Variants in NTNG1 observed in about 807,000 individuals in gnomAD.
The protein encoded by NTNG1 is netrin-G1.
NTNG1 carries 16 observed loss-of-function variants against 54.0 expected under a neutral mutation model. That is an observed-to-expected ratio of 0.30 (90% CI 0.20 to 0.45). The LOEUF (loss-of-function observed/expected upper bound fraction) is 0.45, where lower values mean the gene tolerates loss of function less well. Among genes scored for constraint, NTNG1 ranks in the 20% least tolerant of loss-of-function variants. The pLI is 1.00. For missense variants in NTNG1, 530 were observed against 678.7 expected, an observed-to-expected ratio of 0.78 and a Z score of 2.43; for synonymous variants, 255 against 263.1, an observed-to-expected ratio of 0.97 and a Z score of 0.30.
intron 2 of NTNG1, among the ~76,000 whole-genome samples, chr1:107,288,848 T>C (rs1254701981): frequency 6.6e-6 from 1 of 152,172 alleles, no homozygotes; most frequent in Non-Finnish European, 1.5e-5. Context: ...TTGAAGTCTT[T>C]TCAGAATCAA....
intron 5 of NTNG1, among the ~76,000 whole-genome samples, chr1:107,413,562 A>G (rs1673989130): frequency 6.6e-6 from 1 of 152,052 alleles, no homozygotes. Context: ...TAGTTTCCTC[A>G]TATGCCAGGG....
chr1:107,295,771 A>G (rs1665906980), intron 2 of NTNG1, among the ~76,000 whole-genome samples: 1 of 152,126 alleles, frequency 6.6e-6, no homozygotes, highest in Non-Finnish European at 1.5e-5. Context: ...AGCAGAAAAA[A>G]CTAGCTAAAG....
chr1:107,193,257 CT>C (rs1259881462), intron 2 of NTNG1, among the ~76,000 whole-genome samples: 1 of 151,986 alleles, frequency 6.6e-6, no homozygotes. Context: ...GGTCTTCTTA[CT>C]TCTCATAGTC....
intron 2 of NTNG1, among the ~76,000 whole-genome samples, chr1:107,263,338 TTTTTTTC>T (rs1026035585): frequency 2.0e-5 from 3 of 151,534 alleles, no homozygotes; most frequent in Admixed American, 2.0e-4. Context: ...CCTTCCTTCC[TTTTTTTC>T]TTTTTTTTTC....
intron 2 of NTNG1, among the ~76,000 whole-genome samples, chr1:107,283,921 T>C (rs1045564770): frequency 6.6e-6 from 1 of 152,194 alleles, no homozygotes; most frequent in African/African-American, 2.4e-5. Flanking sequence ...TATATCTTTC[T>C]TTTGCTTTCT....
chr1:107,301,278 A>G (rs1480808362), intron 2 of NTNG1, among the ~76,000 whole-genome samples: 1 of 152,200 alleles, frequency 6.6e-6, no homozygotes, highest in East Asian at 1.9e-4. Context: ...ACTGGTACTT[A>G]CCACTAACAG....
chr1:107,241,598 T>C (rs996902470), intron 2 of NTNG1, among the ~76,000 whole-genome samples: 4 of 152,056 alleles, frequency 2.6e-5, no homozygotes, highest in African/African-American at 9.7e-5. Flanking sequence ...CCAGAACAAC[T>C]CAAACAGGAC....
chr1:107,305,508 A>G (rs1373792199), intron 2 of NTNG1, among the ~76,000 whole-genome samples: 1 of 150,580 alleles, frequency 6.6e-6, no homozygotes, highest in Non-Finnish European at 1.5e-5. Flanking sequence ...CTTTTTTTTC[A>G]TATGTTTGTT....
At chr1:107,291,920 A>T (rs1557874243) in intron 2 of NTNG1, among the ~76,000 whole-genome samples, 1 of 152,224 alleles carries the variant, frequency 6.6e-6, no homozygotes. Context: ...CAGAGTTAAT[A>T]ATCTTAATAA....
Position 107,148,510 on chromosome 1 carries a change from T to G in NTNG1, c.-84T>G. The G allele has an allele frequency of 8.0e-7, 1 of 1,255,136 alleles. No individual in the cohort carries two copies. The highest frequency in any genetic ancestry group is 1.1e-6 in the Non-Finnish European group (1 of 870,490). 77.7% of individuals were successfully genotyped at this position (1,255,136 alleles called of 1,614,324 possible). A position where few individuals can be genotyped will look rare whatever the true frequency, so the allele number is the denominator to read the frequency against. On this transcript the variant is annotated 5_prime_UTR_variant, in exon 2 of 8. Transcript: ENST00000370068. The stretch of plus-strand genomic sequence containing the variant: ...ACCCGTACGCATACATACATATGTG[T>G]ATATATATGTAAACTAGACAAAGAT...
intron 2 of NTNG1, among the ~76,000 whole-genome samples, chr1:107,195,353 A>T (rs1658246650): frequency 6.6e-6 from 1 of 151,910 alleles, no homozygotes; most frequent in African/African-American, 2.4e-5. Context: ...CATCACCATT[A>T]TCTGGATTGC....
At chr1:107,411,193 A>AG (rs1553242469) in intron 5 of NTNG1, among the ~76,000 whole-genome samples, 6 of 152,056 alleles carry the variant, frequency 3.9e-5, no homozygotes, top group Non-Finnish European at 7.4e-5. Context: ...CCTGTCCCCC[A>AG]CCCTAACTTA....
At position 107,315,368 on chromosome 1, in the gene NTNG1, G is replaced by A. The variant is rs368586947; in HGVS notation, c.247-8914G>A. Among the ~76,000 whole-genome samples the A allele has an allele frequency of 2.0e-5, 3 of 152,068 alleles. No homozygotes were observed. In the East Asian group the frequency reaches 5.8e-4, roughly 29 times the overall value. On this transcript the variant is annotated intron_variant, in intron 2 of 7. Coordinates refer to ENST00000370068, the MANE Select transcript of NTNG1 (RefSeq NM_001113226.3). ...CCCCTTAGGATCCACTATCCACACAGAAGGCAAAAAGAACATTGAAAATGT... is the reference window on the plus strand; with the variant it reads ...CCCCTTAGGATCCACTATCCACACAAAAGGCAAAAAGAACATTGAAAATGT...
intron 7 of NTNG1, among the ~76,000 whole-genome samples, chr1:107,467,277 T>C (rs1677668038): frequency 6.6e-6 from 1 of 152,224 alleles, no homozygotes; most frequent in Admixed American, 6.5e-5. Context: ...AAGTATTCAT[T>C]AAGCTAGAAA....
chr1:107,456,825 G>T (rs527662942), intron 7 of NTNG1, among the ~76,000 whole-genome samples: 10 of 152,296 alleles, frequency 6.6e-5, no homozygotes, highest in African/African-American at 2.4e-4. Flanking sequence ...GTGCTTAGAA[G>T]GACCATTATT....
chr1:107,212,510 T>G (rs1659661534), intron 2 of NTNG1, among the ~76,000 whole-genome samples: 1 of 152,208 alleles, frequency 6.6e-6, no homozygotes, highest in Non-Finnish European at 1.5e-5. Flanking sequence ...GCCCATTTAA[T>G]TTTGTTATAT....
At chr1:107,158,738 T>C (rs1570729281) in intron 2 of NTNG1, among the ~76,000 whole-genome samples, 1 of 152,138 alleles carries the variant, frequency 6.6e-6, no homozygotes, top group Admixed American at 6.6e-5. Context: ...GGTTCCTCTA[T>C]AGTGATTCGT....
intron 4 of NTNG1, among the ~76,000 whole-genome samples, chr1:107,400,807 C>G (rs1395987673): frequency 1.3e-5 from 2 of 152,006 alleles, no homozygotes; most frequent in Non-Finnish European, 2.9e-5. Context: ...CACCACCACA[C>G]CCAGCTAATT....
At chr1:107,354,380 A>C (rs1192631198) in intron 3 of NTNG1, among the ~76,000 whole-genome samples, 2 of 150,318 alleles carry the variant, frequency 1.3e-5, no homozygotes, top group Non-Finnish European at 3.0e-5. Context: ...GAGGCAGAAG[A>C]ATCGCTTGAA....
Sources: allele counts gnomAD v4.1 joint callset (sites outside exome capture counted in the v4.1 genomes callset), GRCh38; gene constraint gnomAD v4.1.1; transcripts MANE v1.5; gene names NCBI Gene and HGNC (gene_info 2026-07-23, HGNC 2026-07-21).